Variants in RNF152 observed in about 807,000 individuals in gnomAD.
RNF152 encodes ring finger protein 152.
RNF152 carries 11 observed loss-of-function variants against 12.7 expected under a neutral mutation model. The observed-to-expected ratio is 0.86, with a 90% confidence interval of 0.54 to 1.43. The LOEUF (loss-of-function observed/expected upper bound fraction) is 1.43, where lower values mean the gene tolerates loss of function less well. Among genes scored for constraint, RNF152 ranks in the 40% most tolerant of loss-of-function variants. The pLI, the probability that RNF152 is intolerant of heterozygous loss-of-function variation, is 0.00. For missense variants in RNF152, 255 were observed against 274.8 expected, an observed-to-expected ratio of 0.93 and a Z score of 0.51; for synonymous variants, 113 against 120.3, an observed-to-expected ratio of 0.94 and a Z score of 0.40.
intron 1 of RNF152, among the ~76,000 whole-genome samples, chr18:61,839,327 G>A (rs1303056521): frequency 6.6e-6 from 1 of 152,150 alleles, no homozygotes; most frequent in Non-Finnish European, 1.5e-5. Context: ...ATCTTCAAAA[G>A]TCCCTAGTCT....
At chr18:61,849,921 T>C (rs1910898264) in intron 1 of RNF152, among the ~76,000 whole-genome samples, 1 of 152,236 alleles carries the variant, frequency 6.6e-6, no homozygotes, top group Non-Finnish European at 1.5e-5. Context: ...TATCAAGTAC[T>C]GTGTGACCTG....
intron 1 of RNF152, among the ~76,000 whole-genome samples, chr18:61,856,275 T>C (rs545429657): frequency 6.6e-5 from 10 of 152,126 alleles, no homozygotes; most frequent in African/African-American, 1.9e-4. Flanking sequence ...AGAACAAACA[T>C]AAGCTGGAAA....
intron 1 of RNF152, among the ~76,000 whole-genome samples, chr18:61,846,314 T>C (rs1910742846): frequency 1.3e-5 from 2 of 152,146 alleles, no homozygotes; most frequent in Admixed American, 6.5e-5. Flanking sequence ...TGTCATGTAA[T>C]AAAAACTCAA....
At chr18:61,881,125 G>A (rs1188974755) in intron 1 of RNF152, among the ~76,000 whole-genome samples, 2 of 151,922 alleles carry the variant, frequency 1.3e-5, no homozygotes, top group Non-Finnish European at 2.9e-5. Context: ...TATTAGTCAG[G>A]CTGGTCTCAA....
At chr18:61,862,992 G>A (rs1054214523) in intron 1 of RNF152, among the ~76,000 whole-genome samples, 2 of 151,600 alleles carry the variant, frequency 1.3e-5, no homozygotes, top group African/African-American at 2.4e-5. Flanking sequence ...GTTGTGGTGT[G>A]AGAACAAAGA....
chr18:61,841,253 G>T (rs1312038800), intron 1 of RNF152, among the ~76,000 whole-genome samples: 2 of 152,094 alleles, frequency 1.3e-5, no homozygotes, highest in Admixed American at 1.3e-4. Flanking sequence ...TAAAATTCTG[G>T]ACATTAGAAA....
intron 1 of RNF152, among the ~76,000 whole-genome samples, chr18:61,884,773 G>A (rs569008515): frequency 2.0e-5 from 3 of 152,138 alleles, no homozygotes; most frequent in Non-Finnish European, 4.4e-5. Context: ...TGGCCAGGCT[G>A]GTCTTGAACT....
chr18:61,851,473 T>G (rs1910975002), intron 1 of RNF152, among the ~76,000 whole-genome samples: 1 of 152,172 alleles, frequency 6.6e-6, no homozygotes, highest in African/African-American at 2.4e-5. Context: ...ACTCAGGAAC[T>G]GTGCCCAGTT....
chr18:61,862,029 ACTCCCTGAGGCC>A (rs1357725688), intron 1 of RNF152, among the ~76,000 whole-genome samples: 1 of 152,032 alleles, frequency 6.6e-6, no homozygotes, highest in East Asian at 1.9e-4. Context: ...AATGAATACA[ACTCCCTGAGGCC>A]CTCAGAAGAA....
At chr18:61,882,863 C>G (rs1219597081) in intron 1 of RNF152, among the ~76,000 whole-genome samples, 2 of 152,162 alleles carry the variant, frequency 1.3e-5, no homozygotes, top group Non-Finnish European at 2.9e-5. Flanking sequence ...CACAATGCCC[C>G]CCTCCACCCA....
At chr18:61,866,002 T>A (rs997418469) in intron 1 of RNF152, among the ~76,000 whole-genome samples, 3 of 152,204 alleles carry the variant, frequency 2.0e-5, no homozygotes, top group Non-Finnish European at 4.4e-5. Context: ...TTATTCTGCC[T>A]CCTAAAATTT....
intron 1 of RNF152, among the ~76,000 whole-genome samples, chr18:61,830,747 C>T (rs189945432): frequency 4.1e-5 from 6 of 148,064 alleles, no homozygotes; most frequent in East Asian, 1.9e-4. Flanking sequence ...GCTGGAAGTA[C>T]AAAGAGCTGA....
chr18:61,881,996 T>C (rs966428102), intron 1 of RNF152, among the ~76,000 whole-genome samples: 1 of 152,172 alleles, frequency 6.6e-6, no homozygotes, highest in African/African-American at 2.4e-5. Context: ...GACACCTCTG[T>C]TGGAAAAAAG....
intron 1 of RNF152, among the ~76,000 whole-genome samples, chr18:61,837,915 T>C (rs1204087871): frequency 6.6e-6 from 1 of 152,210 alleles, no homozygotes; most frequent in African/African-American, 2.4e-5. Flanking sequence ...GGGATCTGGA[T>C]CCAACAAAAT....
chr18:61,867,073 G>A (rs544464408), intron 1 of RNF152, among the ~76,000 whole-genome samples: 1 of 152,234 alleles, frequency 6.6e-6, no homozygotes, highest in Admixed American at 6.5e-5. Context: ...ACACCTAGAT[G>A]CTCGCCAGCT....
intron 1 of RNF152, among the ~76,000 whole-genome samples, chr18:61,841,537 T>C (rs538679457): frequency 1.3e-5 from 2 of 152,310 alleles, no homozygotes; most frequent in East Asian, 1.9e-4. Context: ...CATGAACCCA[T>C]ACTGAGTCAA....
chr18:61,820,864 C>T (rs1047832869), intron 1 of RNF152, among the ~76,000 whole-genome samples: 4 of 152,198 alleles, frequency 2.6e-5, no homozygotes, highest in African/African-American at 4.8e-5. Context: ...AGCTCTGTCA[C>T]TAACCAGCTG....
At chr18:61,825,493 T>C (rs1392975146) in intron 1 of RNF152, among the ~76,000 whole-genome samples, 1 of 152,212 alleles carries the variant, frequency 6.6e-6, no homozygotes, top group African/African-American at 2.4e-5. Flanking sequence ...GACAGTGGCA[T>C]TTCCTCTATT....
Position 61,816,204 on chromosome 18 carries a change from T to C in RNF152, c.260A>G (p.His87Arg), listed in dbSNP as rs772873208. The C allele has an allele frequency of 1.2e-6, 2 of 1,614,090 alleles. No homozygotes were observed. Among genetic ancestry groups the C allele is most frequent in the Non-Finnish European group, 1.7e-6 (2 of 1,180,010 alleles). The stretch of plus-strand genomic sequence containing the variant: ...GGGAAGTTTGATGAAGACCGGGGTG[T>C]GTTCGGAAGTGTGTGGAATGGCGAT... ...AVIAIPHTSE[H>R]TPVFIKLPSN... Residue 87 changes from histidine (H) to arginine (R), a missense_variant, in exon 2 of 2, where the codon CAC (histidine) becomes CGC (arginine). Transcript: ENST00000312828.
Sources: gnomAD v4.1 joint callset for allele counts (sites outside exome capture counted in the v4.1 genomes callset) on GRCh38, gnomAD v4.1.1 for gene constraint, MANE v1.5 for transcripts, NCBI Gene and HGNC (gene_info 2026-07-23, HGNC 2026-07-21) for gene names.